CSMD3: variants seen among roughly 807,000 people sequenced by gnomAD.
The protein encoded by CSMD3 is CUB and Sushi multiple domains 3.
A neutral mutation model predicts 435.2 loss-of-function variants in CSMD3; 177 were observed. The observed-to-expected ratio is 0.41, with a 90% CI of 0.36 to 0.46. CSMD3 has a LOEUF of 0.46. Among genes scored for constraint, CSMD3 ranks in the 20% least tolerant of loss-of-function variants. The pLI is 0.34. For synonymous variants in CSMD3, 1,656 were observed against 1,520.5 expected, an observed-to-expected ratio of 1.09 and a Z score of -2.07; for missense variants, 4,265 against 4,504.6, an observed-to-expected ratio of 0.95 and a Z score of 1.52.
chr8:113,427,171 T>C (rs1255093334), intron 1 of CSMD3, among the ~76,000 whole-genome samples: 1 of 151,504 alleles, frequency 6.6e-6, no homozygotes, highest in Non-Finnish European at 1.5e-5. Context: ...AAAAGTAATA[T>C]AGTTACATAT....
At chr8:113,111,719 T>A (rs1274568396) in intron 4 of CSMD3, among the ~76,000 whole-genome samples, 2 of 152,206 alleles carry the variant, frequency 1.3e-5, no homozygotes, top group African/African-American at 4.8e-5. Flanking sequence ...TCTCGCTTTG[T>A]CGCTCAGGCT....
At chr8:112,349,827 T>C (rs1825984343) in intron 40 of CSMD3, among the ~76,000 whole-genome samples, 1 of 152,204 alleles carries the variant, frequency 6.6e-6, no homozygotes, top group Non-Finnish European at 1.5e-5. Flanking sequence ...TCAGTACTCT[T>C]CAAAAAGAAT....
chr8:112,272,199 C>T (rs1193904550), intron 59 of CSMD3, among the ~76,000 whole-genome samples: 1 of 152,126 alleles, frequency 6.6e-6, no homozygotes, highest in Admixed American at 6.5e-5. Flanking sequence ...GTATTTAACC[C>T]TGTCTCAGGA....
intron 32 of CSMD3, among the ~76,000 whole-genome samples, chr8:112,472,218 T>C (rs1402488446): frequency 6.6e-6 from 1 of 152,202 alleles, no homozygotes; most frequent in African/African-American, 2.4e-5. Context: ...TTTGTTACTA[T>C]TGTAATAGTT....
At chr8:112,461,277 C>A (rs1195639392) in intron 32 of CSMD3, among the ~76,000 whole-genome samples, 2 of 152,044 alleles carry the variant, frequency 1.3e-5, no homozygotes, top group East Asian at 3.9e-4. Flanking sequence ...AATCATTTAT[C>A]TTCTAGCTTT....
At chr8:112,534,815 C>T (rs1049992049) in intron 27 of CSMD3, among the ~76,000 whole-genome samples, 6 of 151,970 alleles carry the variant, frequency 3.9e-5, no homozygotes, top group African/African-American at 1.4e-4. Context: ...AGCAGCACAT[C>T]AAAAAGTTTA....
Position 112,794,833 on chromosome 8 carries a change from T to C in CSMD3, c.1972+5329A>G, listed in dbSNP as rs1016024891. Among the ~76,000 whole-genome samples the C allele has an allele frequency of 2.6e-5, 4 of 152,080 alleles. 1 individual carries two copies. The highest frequency in any genetic ancestry group is 5.9e-5 in the Non-Finnish European group (4 of 68,014). Reference sequence around the variant, plus strand: ...ATATCGGTATGCTATATCTTTATTATTTTTTTCAAAGAAACTTTTGTTAAA... The same window carrying C: ...ATATCGGTATGCTATATCTTTATTACTTTTTTCAAAGAAACTTTTGTTAAA... On this transcript the variant is annotated intron_variant, in intron 13 of 70. Transcript: ENST00000297405.
At chr8:112,331,489 G>A (rs1035275398) in intron 45 of CSMD3, among the ~76,000 whole-genome samples, 3 of 151,930 alleles carry the variant, frequency 2.0e-5, no homozygotes, top group Non-Finnish European at 4.4e-5. Context: ...AAGGCTTTAC[G>A]AAGGTGATGT....
rs56372113 is a variant in CSMD3, at chr8:112,525,809, T to C, written c.4565-8584A>G. 3.3e-3 allele frequency among the ~76,000 whole-genome samples: 404 copies of C among 121,570 alleles called. 2 individuals carry two copies. Among genetic ancestry groups the C allele is most frequent in the African/African-American group, 0.01 (328 of 31,650 alleles). The allele number at this position is 121,570 out of a possible 152,430, so 79.8% of individuals were successfully genotyped here. A position where few individuals can be genotyped will look rare whatever the true frequency, so the allele number is the denominator to read the frequency against. On this transcript the variant is annotated intron_variant, in intron 27 of 70. Coordinates refer to ENST00000297405, the MANE Select transcript of CSMD3 (RefSeq NM_198123.2). ...GTATATATATATGTATATATATATA[T>C]ACACACACATATAAAAAATATATAT...
At chr8:113,375,911 G>T (rs1357054911) in intron 1 of CSMD3, among the ~76,000 whole-genome samples, 1 of 152,100 alleles carries the variant, frequency 6.6e-6, no homozygotes, top group African/African-American at 2.4e-5. Flanking sequence ...AATTAATTTT[G>T]TGTATGATAT....
chr8:112,461,515 A>G (rs1411690766), intron 32 of CSMD3, among the ~76,000 whole-genome samples: 1 of 152,138 alleles, frequency 6.6e-6, no homozygotes, highest in African/African-American at 2.4e-5. Context: ...TTTGCAAGAA[A>G]TGTTTACTCT....
intron 4 of CSMD3, among the ~76,000 whole-genome samples, chr8:113,112,434 T>TATATATATGTATATAC (rs2090680132): frequency 3.3e-4 from 7 of 21,072 alleles, no homozygotes; most frequent in Non-Finnish European, 5.1e-4. Flanking sequence ...TATATATATA[T>TATATATATGTATATAC]ATATATATAT....
chr8:112,991,741 A>C (rs1168455782), intron 6 of CSMD3, among the ~76,000 whole-genome samples: 2 of 151,874 alleles, frequency 1.3e-5, no homozygotes, highest in African/African-American at 4.8e-5. Context: ...GTGATACTAA[A>C]TTTCTAAGCA....
intron 1 of CSMD3, among the ~76,000 whole-genome samples, chr8:113,404,868 A>G (rs1346719494): frequency 6.6e-6 from 1 of 151,522 alleles, no homozygotes; most frequent in Non-Finnish European, 1.5e-5. Flanking sequence ...CCAAAGAAAC[A>G]AAGTGACACT....
chr8:112,959,348 A>G (rs2084145782), intron 7 of CSMD3, among the ~76,000 whole-genome samples: 1 of 152,002 alleles, frequency 6.6e-6, no homozygotes, highest in Non-Finnish European at 1.5e-5. Flanking sequence ...AATGAATGGT[A>G]TACTCTAACT....
intron 30 of CSMD3, among the ~76,000 whole-genome samples, chr8:112,499,405 C>CA (rs1182332779): frequency 6.6e-6 from 1 of 151,680 alleles, no homozygotes; most frequent in East Asian, 1.9e-4. Flanking sequence ...CCGAGCAGGT[C>CA]AAAAAATGGT....
intron 24 of CSMD3, among the ~76,000 whole-genome samples, chr8:112,562,241 T>C (rs1279399743): frequency 6.6e-6 from 1 of 151,698 alleles, no homozygotes; most frequent in African/African-American, 2.4e-5. Context: ...CATAGGGTAA[T>C]GTCATACCTT....
intron 1 of CSMD3, among the ~76,000 whole-genome samples, chr8:113,424,109 C>A (rs987450948): frequency 6.6e-6 from 1 of 151,606 alleles, no homozygotes; most frequent in Non-Finnish European, 1.5e-5. Flanking sequence ...CTGAAGTAAT[C>A]TGTTGGTACA....
rs528161936 is a variant in CSMD3, at chr8:112,796,602, T to G, written c.1972+3560A>C. Among the ~76,000 whole-genome samples, 30 of 152,176 alleles carry G rather than the reference T, an allele frequency of 2.0e-4. No homozygotes were observed. In the South Asian group the frequency reaches 2.9e-3, roughly 15 times the overall value. On this transcript the variant is annotated intron_variant, in intron 13 of 70. Transcript: ENST00000297405. ...GTAGCTCAATGTTAATGGATGTTAA[T>G]GTGTCCATTGAAAAGAACTCTCTTT...
Sources: allele counts gnomAD v4.1 joint callset (sites outside exome capture counted in the v4.1 genomes callset), GRCh38; gene constraint gnomAD v4.1.1; transcripts MANE v1.5; gene names NCBI Gene and HGNC (gene_info 2026-07-23, HGNC 2026-07-21).